Variants in EMC8 observed in about 807,000 individuals in gnomAD.
EMC8 encodes the protein ER membrane protein complex subunit 8.
EMC8 carries 11 observed loss-of-function variants against 24.3 expected under a neutral mutation model. The ratio of observed to expected loss-of-function variants is 0.45; its 90% confidence interval spans 0.28 to 0.75. EMC8 has a LOEUF of 0.75. Ranked by LOEUF, EMC8 falls within the 30% of genes least tolerant of loss-of-function variation. EMC8 has a pLI of 0.12. For missense variants in EMC8, 277 were observed against 282.7 expected (o/e 0.98, Z 0.14); for synonymous variants, 145 against 117.7 (o/e 1.23, Z -1.50).
chr16:85,782,065 G>C (rs1015969425), intron 2 of EMC8, among the ~76,000 whole-genome samples: 2 of 152,156 alleles, frequency 1.3e-5, no homozygotes, highest in African/African-American at 4.8e-5. Flanking sequence ...ATCTCCTAAC[G>C]GAAGGCTCCC....
At chr16:85,797,387 G>A (rs1203597090) in intron 1 of EMC8, among the ~76,000 whole-genome samples, 1 of 152,122 alleles carries the variant, frequency 6.6e-6, no homozygotes, top group African/African-American at 2.4e-5. Flanking sequence ...CAGGCTGGGT[G>A]ACAAGAGCGA....
chr16:85,786,778 C>T (rs999152487), intron 2 of EMC8, among the ~76,000 whole-genome samples: 2 of 152,092 alleles, frequency 1.3e-5, no homozygotes, highest in Non-Finnish European at 2.9e-5. Context: ...AAACTGTGTC[C>T]GAGTAGGATA....
intron 1 of EMC8, among the ~76,000 whole-genome samples, chr16:85,796,997 C>G (rs1049186964): frequency 1.4e-5 from 2 of 146,476 alleles, no homozygotes; most frequent in African/African-American, 5.5e-5. Context: ...AGCAGATACT[C>G]AAAAACATTT....
rs149102132 is a variant in EMC8, at chr16:85,783,068, G to A, written c.309-1788C>T. Among the ~76,000 whole-genome samples the A allele has an allele frequency of 5.1e-3, 774 of 152,306 alleles. 10 individuals carry two copies. The highest frequency in any genetic ancestry group is 0.018 in the African/African-American group (750 of 41,558). On this transcript the variant is annotated intron_variant, in intron 2 of 4. Transcript: ENST00000253457. ...TAATCCCTGCACTTTCGGAGGCCGA[G>A]GCAGGTGGATCACCTGATGAGGTCA...
chr16:85,792,683 T>C (rs1366617764), intron 1 of EMC8: 1 of 152,018 alleles, frequency 6.6e-6, no homozygotes, highest in Non-Finnish European at 1.5e-5. Flanking sequence ...AGGTCTCCAG[T>C]GGCTGCAGGA....
intron 3 of EMC8, chr16:85,780,682 T>C (rs1904449818): frequency 3.4e-6 from 2 of 579,932 alleles, no homozygotes; most frequent in Non-Finnish European, 6.2e-6. Context: ...TCATTGTTTT[T>C]TCACAAAAGC....
intron 3 of EMC8, 93 bp from the exon 4 acceptor site, chr16:85,780,566 C>T (rs1597198243): frequency 1.2e-6 from 1 of 852,676 alleles, no homozygotes; most frequent in African/African-American, 1.7e-5. Context: ...CAGCCGTGCC[C>T]ACGCTGGCTG....
intron 1 of EMC8, among the ~76,000 whole-genome samples, chr16:85,795,067 T>C (rs1486269496): frequency 6.6e-6 from 1 of 152,172 alleles, no homozygotes; most frequent in South Asian, 2.1e-4. Context: ...TGTCAAGTAC[T>C]GCATTCATAT....
chr16:85,783,197 G>A lies in EMC8; in HGVS notation c.309-1917C>T, dbSNP rs375117633. ...GCACATCTGTAGACCCAGCTACTCC[G>A]GAGGCTGAGGCAGGAGAATCGCTTG... On this transcript the variant is annotated intron_variant, in intron 2 of 4. Coordinates refer to ENST00000253457, the MANE Select transcript of EMC8 (RefSeq NM_006067.5). 1.1e-4 allele frequency among the ~76,000 whole-genome samples: 16 copies of A among 152,308 alleles called. No individual in the cohort carries two copies. The South Asian group carries it at 2.3e-3, about 22-fold the overall frequency.
At chr16:85,787,087 G>C (rs1406149463) in intron 2 of EMC8, among the ~76,000 whole-genome samples, 2 of 152,150 alleles carry the variant, frequency 1.3e-5, no homozygotes, top group Non-Finnish European at 2.9e-5. Context: ...TGCTTGCAAG[G>C]TGAAGTTCAA....
chr16:85,788,494 A>G (rs930907185), intron 2 of EMC8, among the ~76,000 whole-genome samples: 13 of 152,252 alleles, frequency 8.5e-5, no homozygotes, highest in African/African-American at 3.1e-4. Flanking sequence ...CGAGAGCCCC[A>G]GTTGGGGAAG....
In EMC8 at chr16:85,779,562, C is replaced by T. The variant is rs1362912540; in HGVS notation, c.*146G>A. ...TGTGTTAAAAACACGACCGACTGAA[C>T]ATTCTGCCCCCTTTCAAGGCACATG... On this transcript the variant is annotated 3_prime_UTR_variant, in exon 5 of 5. Transcript: ENST00000253457. 5.2e-6 allele frequency: 4 copies of T among 766,678 alleles called. No homozygotes were observed. The highest frequency in any genetic ancestry group is 2.3e-5 in the Admixed American group (1 of 42,950). The allele number at this position is 766,678 out of a possible 1,614,324, so 47.5% of individuals were successfully genotyped here.
intron 1 of EMC8, among the ~76,000 whole-genome samples, chr16:85,794,921 G>C (rs1482601493): frequency 2.6e-5 from 4 of 152,194 alleles, no homozygotes; most frequent in Non-Finnish European, 5.9e-5. Flanking sequence ...CTCACGCTCA[G>C]GTAGCAGGCA....
intron 2 of EMC8, chr16:85,781,784 C>G (rs1272775589): frequency 6.4e-6 from 1 of 155,576 alleles, no homozygotes; most frequent in Non-Finnish European, 1.4e-5. Flanking sequence ...AGTGTGAGTG[C>G]AGTTCCCCAC....
chr16:85,788,790 T>C lies in EMC8; in HGVS notation c.308+184A>G, dbSNP rs1041646108. The C allele has an allele frequency of 2.0e-5, 12 of 604,982 alleles. No individual in the cohort carries two copies. The African/African-American group carries it at 2.1e-4, about 10-fold the overall frequency. 37.5% of individuals were successfully genotyped at this position (604,982 alleles called of 1,614,324 possible). On this transcript the variant is annotated intron_variant, in intron 2 of 4. Transcript: ENST00000253457. Reference sequence around the variant, plus strand: ...AACAGAATTCCAAAGTTAATAGAAATGTTTGGAATTTCTGTTGTTTGGAAT... The same window carrying C: ...AACAGAATTCCAAAGTTAATAGAAACGTTTGGAATTTCTGTTGTTTGGAAT...
chr16:85,780,711 T>C (rs541072161), intron 3 of EMC8: 1 of 557,728 alleles, frequency 1.8e-6, no homozygotes, highest in Admixed American at 3.1e-5. Context: ...CAAACATGAC[T>C]TCTTCCCTCA....
At chr16:85,785,182 A>G (rs1190671216) in intron 2 of EMC8, 1 of 152,336 alleles carries the variant, frequency 6.6e-6, no homozygotes, top group Non-Finnish European at 1.5e-5. Flanking sequence ...ACCTGGCTCA[A>G]GAAATCCTCC....
intron 2 of EMC8, among the ~76,000 whole-genome samples, chr16:85,786,520 T>C (rs1412232142): frequency 6.6e-6 from 1 of 152,138 alleles, no homozygotes; most frequent in Non-Finnish European, 1.5e-5. Flanking sequence ...TAGCACGGCA[T>C]TACCTACCTG....
intron 1 of EMC8, among the ~76,000 whole-genome samples, chr16:85,790,106 G>C (rs537379788): frequency 1.3e-5 from 2 of 151,714 alleles, no homozygotes; most frequent in South Asian, 2.1e-4. Context: ...CTGTAATAAA[G>C]TCTATTCTCA....
Sources: gnomAD v4.1 joint callset for allele counts (sites outside exome capture counted in the v4.1 genomes callset) on GRCh38, gnomAD v4.1.1 for gene constraint, MANE v1.5 for transcripts, NCBI Gene and HGNC (gene_info 2026-07-23, HGNC 2026-07-21) for gene names.